The following CSMD1 variants were observed in gnomAD, a reference collection of about 807,000 sequenced individuals.
CSMD1 encodes CUB and Sushi multiple domains 1.
A neutral mutation model predicts 417.5 loss-of-function variants in CSMD1; 213 were observed. The observed-to-expected ratio is 0.51, with a 90% confidence interval of 0.46 to 0.57. The LOEUF is 0.57. Ranked by LOEUF, CSMD1 falls within the 20% of genes least tolerant of loss-of-function variation. The probability of loss-of-function intolerance (pLI) is 0.00; values close to 1 mark genes in which losing one functional copy is unlikely to be tolerated. For synonymous variants in CSMD1, 2,862 were observed against 1,736.8 expected (o/e 1.65, Z -16.11); for missense variants, 6,923 against 4,529.7 (o/e 1.53, Z -15.17).
intron 1 of CSMD1, among the ~76,000 whole-genome samples, chr8:4,728,391 G>T (rs879552345): frequency 1.3e-5 from 2 of 151,944 alleles, no homozygotes; most frequent in Non-Finnish European, 2.9e-5. Flanking sequence ...CGTATTTAGG[G>T]GAGTTTAGTT....
chr8:3,075,409 G>A (rs1424426499), intron 49 of CSMD1, among the ~76,000 whole-genome samples: 3 of 151,430 alleles, frequency 2.0e-5, no homozygotes, highest in Non-Finnish European at 4.4e-5. Context: ...AGCCTCCCAA[G>A]TAGCTGGGAT....
chr8:4,888,768 C>T (rs937837363), intron 1 of CSMD1, among the ~76,000 whole-genome samples: 1 of 152,054 alleles, frequency 6.6e-6, no homozygotes, highest in African/African-American at 2.4e-5. Flanking sequence ...AAAGTAAGAA[C>T]ATTTCCAAAA....
intron 4 of CSMD1, among the ~76,000 whole-genome samples, chr8:4,014,405 A>T (rs1796423652): frequency 6.6e-6 from 1 of 152,204 alleles, no homozygotes. Flanking sequence ...GTATGATTTA[A>T]CACTAATCTT....
chr8:4,919,262 GA>G (rs1318868037), intron 1 of CSMD1, among the ~76,000 whole-genome samples: 1 of 152,094 alleles, frequency 6.6e-6, no homozygotes, highest in Non-Finnish European at 1.5e-5. Context: ...TGCCCAAAGG[GA>G]AAAAGAAGAG....
chr8:3,545,888 T>C (rs1159348165), intron 10 of CSMD1, among the ~76,000 whole-genome samples: 3 of 152,228 alleles, frequency 2.0e-5, no homozygotes, highest in South Asian at 2.1e-4. Flanking sequence ...CTTAGTGATG[T>C]AGCAATAAAA....
intron 5 of CSMD1, among the ~76,000 whole-genome samples, chr8:3,756,531 A>G (rs1157998938): frequency 2.0e-5 from 3 of 152,182 alleles, no homozygotes; most frequent in African/African-American, 4.8e-5. Flanking sequence ...CACATCAGAT[A>G]CGATCCTAAT....
intron 66 of CSMD1, among the ~76,000 whole-genome samples, chr8:2,950,855 C>T (rs1025639098): frequency 3.3e-5 from 5 of 152,086 alleles, no homozygotes; most frequent in African/African-American, 4.8e-5. Flanking sequence ...TATCTGTATA[C>T]GAATCTCAGA....
chr8:3,012,112 T>C (rs1015336494), intron 52 of CSMD1, among the ~76,000 whole-genome samples: 4 of 152,182 alleles, frequency 2.6e-5, no homozygotes, highest in African/African-American at 9.7e-5. Context: ...AGTGATCGTG[T>C]TGATGAAGGT....
chr8:4,539,085 T>C (rs1490493425), intron 2 of CSMD1, among the ~76,000 whole-genome samples: 1 of 152,228 alleles, frequency 6.6e-6, no homozygotes, highest in Non-Finnish European at 1.5e-5. Flanking sequence ...GTTTTTCTTT[T>C]TAGAAATGTT....
At chr8:3,878,718 G>C (rs547235409) in intron 5 of CSMD1, among the ~76,000 whole-genome samples, 1 of 152,266 alleles carries the variant, frequency 6.6e-6, no homozygotes, top group African/African-American at 2.4e-5. Context: ...GTGAGACACT[G>C]TGTCATGGGA....
At chr8:4,942,561 T>G (rs1214442716) in intron 1 of CSMD1, among the ~76,000 whole-genome samples, 1 of 152,256 alleles carries the variant, frequency 6.6e-6, no homozygotes, top group Non-Finnish European at 1.5e-5. Context: ...AATTCTCACA[T>G]ATTTAAAAGT....
chr8:4,013,784 T>A (rs537055889), intron 4 of CSMD1, among the ~76,000 whole-genome samples: 1 of 152,312 alleles, frequency 6.6e-6, no homozygotes, highest in South Asian at 2.1e-4. Flanking sequence ...TACATTAGGC[T>A]TTACTGAAAC....
chr8:4,105,333 C>T (rs567795107), intron 3 of CSMD1, among the ~76,000 whole-genome samples: 2 of 124,186 alleles, frequency 1.6e-5, no homozygotes, highest in East Asian at 5.4e-4. Context: ...TGTAACACTT[C>T]TGAATTTTTT....
At chr8:3,324,383 G>C (rs1285187071) in intron 23 of CSMD1, among the ~76,000 whole-genome samples, 2 of 148,972 alleles carry the variant, frequency 1.3e-5, no homozygotes, top group African/African-American at 5.0e-5. Context: ...AGGAAGGGGC[G>C]TTTCCTTCCC....
At chr8:3,577,100 TG>T (rs1381669335) in intron 9 of CSMD1, among the ~76,000 whole-genome samples, 3 of 152,198 alleles carry the variant, frequency 2.0e-5, no homozygotes, top group Non-Finnish European at 4.4e-5. Context: ...AGCCTGTCAT[TG>T]GCCCAGATGT....
At chr8:4,604,410 TGC>T (rs148463995) in intron 2 of CSMD1, among the ~76,000 whole-genome samples, 1 of 146,148 alleles carries the variant, frequency 6.8e-6, no homozygotes, top group Admixed American at 6.9e-5. Context: ...TGTGTGTGTG[TGC>T]GCGTGCGTAA....
chr8:4,590,162 C>T (rs1383019136), intron 2 of CSMD1, among the ~76,000 whole-genome samples: 1 of 151,062 alleles, frequency 6.6e-6, no homozygotes, highest in Non-Finnish European at 1.5e-5. Flanking sequence ...GCTCAGAATT[C>T]TTTATGCTGT....
chr8:3,551,456 A>C (rs1798908043), intron 10 of CSMD1, among the ~76,000 whole-genome samples: 1 of 152,034 alleles, frequency 6.6e-6, no homozygotes, highest in South Asian at 2.1e-4. Flanking sequence ...CTAAGGAGAA[A>C]AGAACATATT....
intron 8 of CSMD1, among the ~76,000 whole-genome samples, chr8:3,591,019 G>A (rs1472847578): frequency 6.6e-6 from 1 of 152,120 alleles, no homozygotes; most frequent in African/African-American, 2.4e-5. Context: ...AGTCTCAGAG[G>A]AAAATTCCAG....
Sources: allele counts gnomAD v4.1 joint callset (sites outside exome capture counted in the v4.1 genomes callset), GRCh38; gene constraint gnomAD v4.1.1; transcripts MANE v1.5; gene names NCBI Gene and HGNC (gene_info 2026-07-23, HGNC 2026-07-21).